Variants in PRKG2 observed in about 807,000 individuals in gnomAD.
PRKG2 encodes the protein cGMP-dependent protein kinase 2.
In PRKG2, 33 loss-of-function variants were observed where a neutral mutation model predicts 97.2. That is an observed-to-expected ratio of 0.34 (90% CI 0.26 to 0.45). The LOEUF is 0.45. Among genes scored for constraint, PRKG2 ranks in the 20% least tolerant of loss-of-function variants. PRKG2 has a pLI of 1.00. For missense variants in PRKG2, 638 were observed against 900.0 expected, an observed-to-expected ratio of 0.71 and a Z score of 3.73; for synonymous variants, 330 against 321.8, an observed-to-expected ratio of 1.03 and a Z score of -0.27.
rs1750807477 is a variant in PRKG2 at position 81,175,079 on chromosome 4, A to G, written c.462-120T>C. The G allele has an allele frequency of 2.6e-5, 26 of 992,666 alleles. No individual in the cohort carries two copies. In the South Asian group the frequency reaches 6.5e-4, roughly 25 times the overall value. 61.5% of individuals were successfully genotyped at this position (992,666 alleles called of 1,614,324 possible). On this transcript the variant is annotated intron_variant, in intron 2 of 18. Transcript: ENST00000264399. ...ACAAACTTATAACTTTCTAGCAAGA[A>G]CAACCTTTTTCTAACCCCACCAAAC...
At chr4:81,178,670 G>C (rs1751139197) in intron 2 of PRKG2, among the ~76,000 whole-genome samples, 1 of 151,410 alleles carries the variant, frequency 6.6e-6, no homozygotes. Context: ...GAAGATTGGA[G>C]AGAATCTAGG....
intron 15 of PRKG2, among the ~76,000 whole-genome samples, chr4:81,108,704 G>A (rs1389797932): frequency 6.6e-6 from 1 of 151,984 alleles, no homozygotes; most frequent in Non-Finnish European, 1.5e-5. Context: ...AGCCCAGCCT[G>A]GGTAACACAG....
rs376147362 is a variant in PRKG2, at chr4:81,142,854, T to A, written c.1347A>T (p.Pro449=). Residue 449 remains proline (P), a synonymous_variant, in exon 11 of 19, where the codon CCA becomes CCT. Coordinates refer to ENST00000264399, the MANE Select transcript of PRKG2 (RefSeq NM_006259.3). ...TTGCAATAATCTCAAGGTTCTGGAA[T>A]GGGGATGATGAGGAAAATCTGGCCA... is the stretch of plus-strand genomic sequence containing the variant. ...EKVARFSSSS[P]FQNLEIIATL... The A allele has an allele frequency of 6.2e-7, 1 of 1,613,132 alleles. No individual in the cohort carries two copies. Among genetic ancestry groups the A allele is most frequent in the South Asian group, 1.1e-5 (1 of 90,860 alleles).
At chr4:81,154,482 C>A (rs1283556264) in intron 6 of PRKG2, among the ~76,000 whole-genome samples, 1 of 145,920 alleles carries the variant, frequency 6.9e-6, no homozygotes, top group African/African-American at 2.8e-5. Context: ...AGCAGCCTAA[C>A]TGGGAGGCAC....
At chr4:81,100,609 C>A (rs773249332) in intron 17 of PRKG2, among the ~76,000 whole-genome samples, 4 of 152,158 alleles carry the variant, frequency 2.6e-5, no homozygotes, top group Non-Finnish European at 5.9e-5. Context: ...ACCATAAAAA[C>A]CCTAGAAGAA....
chr4:81,187,703 A>C (rs930520760), intron 2 of PRKG2, among the ~76,000 whole-genome samples: 1 of 152,196 alleles, frequency 6.6e-6, no homozygotes, highest in Non-Finnish European at 1.5e-5. Context: ...ACATGATTGT[A>C]TATTTCGCAA....
chr4:81,093,405 A>ACACACACACACAC (rs1560528514), intron 17 of PRKG2, among the ~76,000 whole-genome samples: 3 of 135,872 alleles, frequency 2.2e-5, no homozygotes, highest in African/African-American at 9.6e-5. Context: ...ACACACACAC[A>ACACACACACACAC]AGCTTCTTAT....
intron 14 of PRKG2, among the ~76,000 whole-genome samples, chr4:81,130,686 G>C (rs1343565897): frequency 6.6e-6 from 1 of 152,164 alleles, no homozygotes; most frequent in Non-Finnish European, 1.5e-5. Context: ...CAGATGCCCT[G>C]TCCAAAATGG....
At chr4:81,133,777 G>A (rs915741134) in intron 14 of PRKG2, among the ~76,000 whole-genome samples, 2 of 151,968 alleles carry the variant, frequency 1.3e-5, no homozygotes, top group African/African-American at 4.8e-5. Flanking sequence ...TGACCTCTAT[G>A]CCTACACATG....
chr4:81,212,162 G>A lies in PRKG2; in HGVS notation c.-14+2774C>T, dbSNP rs150973250. ...CCCGGGGCTCAGTTTGGAATCTACT[G>A]CTTGTTTTCTCTGTCCACAGCATCC... On this transcript the variant is annotated intron_variant, in intron 1 of 18. Coordinates refer to ENST00000264399, the MANE Select transcript of PRKG2 (RefSeq NM_006259.3). Among the ~76,000 whole-genome samples the A allele has an allele frequency of 2.6e-5, 4 of 152,184 alleles. No individual in the cohort carries two copies. In the East Asian group the frequency reaches 7.7e-4, roughly 29 times the overall value.
chr4:81,177,463 T>C (rs2110091286), intron 2 of PRKG2, among the ~76,000 whole-genome samples: 1 of 152,260 alleles, frequency 6.6e-6, no homozygotes, highest in Non-Finnish European at 1.5e-5. Flanking sequence ...CCCAGCACTT[T>C]GGGAGGCCGA....
chr4:81,196,870 A>G (rs1752990153), intron 2 of PRKG2, among the ~76,000 whole-genome samples: 2 of 152,290 alleles, frequency 1.3e-5, no homozygotes, highest in South Asian at 4.1e-4. Context: ...AAATCATTTT[A>G]AAGTGAGACT....
intron 6 of PRKG2, among the ~76,000 whole-genome samples, chr4:81,160,675 T>C (rs1560592244): frequency 6.6e-6 from 1 of 152,154 alleles, no homozygotes; most frequent in Non-Finnish European, 1.5e-5. Context: ...AACATTGACA[T>C]TGGAAATTTT....
At chr4:81,125,718 C>T (rs1244764156) in intron 14 of PRKG2, among the ~76,000 whole-genome samples, 1 of 152,132 alleles carries the variant, frequency 6.6e-6, no homozygotes, top group Non-Finnish European at 1.5e-5. Flanking sequence ...TTACAAATTT[C>T]TTTTTCTACT....
At chr4:81,100,920 C>A (rs1296076118) in intron 17 of PRKG2, among the ~76,000 whole-genome samples, 1 of 152,182 alleles carries the variant, frequency 6.6e-6, no homozygotes, top group Non-Finnish European at 1.5e-5. Flanking sequence ...TGAACAGACA[C>A]TTCTCAAAAG....
intron 2 of PRKG2, among the ~76,000 whole-genome samples, chr4:81,176,339 A>C (rs1457546035): frequency 6.6e-6 from 1 of 152,170 alleles, no homozygotes; most frequent in Non-Finnish European, 1.5e-5. Flanking sequence ...CTTGGACTTA[A>C]GCTTCTAGCC....
Position 81,135,304 on chromosome 4 carries a change from G to A in PRKG2, c.1635-8C>T, listed in dbSNP as rs1487983235. The A allele has an allele frequency of 5.6e-6, 9 of 1,611,274 alleles. No individual in the cohort carries two copies. The highest frequency in any genetic ancestry group is 2.2e-5 in the East Asian group (1 of 44,818). ...GGTTCATCAAAGCTGCCTCTGCAACGAAATCATTTTCCCTCTTAATACTTT... is the reference window on the plus strand; with the variant it reads ...GGTTCATCAAAGCTGCCTCTGCAACAAAATCATTTTCCCTCTTAATACTTT... On this transcript the variant is annotated splice_region_variant and splice_polypyrimidine_tract_variant and intron_variant, in intron 13 of 18. Transcript: ENST00000264399.
At chr4:81,126,110 G>A (rs1055892452) in intron 14 of PRKG2, among the ~76,000 whole-genome samples, 5 of 152,160 alleles carry the variant, frequency 3.3e-5, no homozygotes, top group African/African-American at 1.2e-4. Context: ...CTCCCACTTA[G>A]AGGGAGAACA....
chr4:81,155,193 A>G (rs1434157034), intron 6 of PRKG2, among the ~76,000 whole-genome samples: 1 of 150,014 alleles, frequency 6.7e-6, no homozygotes, highest in Admixed American at 6.6e-5. Flanking sequence ...AAAAAAAAAG[A>G]AGAATGTATA....
Sources: allele counts gnomAD v4.1 joint callset (sites outside exome capture counted in the v4.1 genomes callset), GRCh38; gene constraint gnomAD v4.1.1; transcripts MANE v1.5; gene names NCBI Gene and HGNC (gene_info 2026-07-23, HGNC 2026-07-21).